Variants in TOP1MT observed in about 807,000 individuals in gnomAD.
TOP1MT encodes the protein DNA topoisomerase I mitochondrial.
TOP1MT carries 80 observed loss-of-function variants against 73.9 expected under a neutral mutation model. The observed-to-expected ratio is 1.08, with a 90% CI of 0.90 to 1.30. The LOEUF (loss-of-function observed/expected upper bound fraction) is 1.30, where lower values mean the gene tolerates loss of function less well. Ranked by LOEUF, TOP1MT falls within the 50% of genes most tolerant of loss-of-function variation. TOP1MT has a pLI of 0.00. For missense variants in TOP1MT, 815 were observed against 808.0 expected (o/e 1.01, Z -0.10); for synonymous variants, 338 against 326.4 (o/e 1.04, Z -0.38).
upstream of TOP1MT, among the ~76,000 whole-genome samples, chr8:143,337,701 A>C (rs1355219385): frequency 6.6e-6 from 1 of 152,170 alleles, no homozygotes; most frequent in Non-Finnish European, 1.5e-5. Context: ...AAGGGAGGAG[A>C]CCACCTCTCA....
Position 143,334,865 on chromosome 8 carries a change from C to T in TOP1MT, c.-4G>A, listed in dbSNP as rs1261655635. 2.7e-6 allele frequency: 4 copies of T among 1,480,080 alleles called. No homozygotes were observed. The highest frequency in any genetic ancestry group is 3.6e-6 in the Non-Finnish European group (4 of 1,125,936). The allele number at this position is 1,480,080 out of a possible 1,614,324, so 91.7% of individuals were successfully genotyped here. On this transcript the variant is annotated 5_prime_UTR_variant, in exon 1 of 14. Transcript: ENST00000329245. ...GCAGCAGCCGCACCACGCGCATCTG[C>T]CAGCCTCCGGGAAAGAGCGACAAGC...
chr8:143,324,708 A>G (rs560683135), intron 5 of TOP1MT, 79 bp from the exon 6 acceptor site: 2 of 1,540,600 alleles, frequency 1.3e-6, no homozygotes, highest in Admixed American at 1.9e-5. Flanking sequence ...GCTCTGGTCA[A>G]CCGTCCCACG....
chr8:143,339,008 A>C (rs1430605192), upstream of TOP1MT, among the ~76,000 whole-genome samples: 1 of 152,190 alleles, frequency 6.6e-6, no homozygotes, highest in Non-Finnish European at 1.5e-5. Context: ...GGCTTAGAAA[A>C]TTTAAAGAAT....
In TOP1MT at chr8:143,334,804, G is replaced by A. The variant is rs761890632; in HGVS notation, c.58C>T (p.Pro20Ser). The change falls in exon 1 of 14, where the codon CCC becomes TCC. Residue 20 changes from proline (P) to serine (S), a missense_variant. Pro to Ser is a moderately conservative substitution (Grantham distance 74, BLOSUM62 -1). Transcript: ENST00000329245. ...RAALTLLGEVPRRPASRGVPG... is the reference protein window; with the variant it reads ...RAALTLLGEVSRRPASRGVPG... ...ACACCCCGGGAGGCCGGGCGGCGGG[G>A]GACCTCCCCGAGCAGCGTCAGAGCC... The A allele has an allele frequency of 1.3e-6, 2 of 1,574,204 alleles. No individual in the cohort carries two copies. Among genetic ancestry groups the A allele is most frequent in the African/African-American group, 3.0e-5 (2 of 66,802 alleles).
chr8:143,323,853 A>C, intron 7 of TOP1MT, 146 bp downstream of exon 7: 3 of 828,728 alleles, frequency 3.6e-6, no homozygotes, highest in Non-Finnish European at 3.8e-6. Flanking sequence ...ACACCCACAC[A>C]CGTGTGCACA....
At chr8:143,322,479 GGCACGCCACAC>G (rs1168250938) in intron 7 of TOP1MT, among the ~76,000 whole-genome samples, 4 of 44,900 alleles carry the variant, frequency 8.9e-5, no homozygotes, top group African/African-American at 3.7e-4. Flanking sequence ...ACGCCACACA[GGCACGCCACAC>G]GCACGCCACA....
chr8:143,315,121 G>A (rs1270961367), intron 12 of TOP1MT, among the ~76,000 whole-genome samples: 1 of 151,934 alleles, frequency 6.6e-6, no homozygotes, highest in African/African-American at 2.4e-5. Flanking sequence ...TTTCCCCAGG[G>A]GAGTTTAGAG....
rs747983627 is a variant in TOP1MT at position 143,309,724 on chromosome 8, A to C, written c.1704-181T>G. ...ACGCATGCCGCCACCCTGGAGCATC[A>C]GCGAGGTGTCAAAGACAACCTGCTG... On this transcript the variant is annotated intron_variant, in intron 13 of 13. Transcript: ENST00000329245. 5 of 1,527,624 alleles carry C rather than the reference A, an allele frequency of 3.3e-6. No individual in the cohort carries two copies. In the Admixed American group the frequency reaches 5.9e-5, roughly 18 times the overall value. The allele number at this position is 1,527,624 out of a possible 1,614,324, so 94.6% of individuals were successfully genotyped here.
intron 1 of TOP1MT, chr8:143,355,527 A>C (rs1204448449): frequency 6.6e-6 from 1 of 152,300 alleles, no homozygotes; most frequent in Non-Finnish European, 1.5e-5. Flanking sequence ...TGAGGACTGC[A>C]GGCCTAATGC....
intron 1 of TOP1MT, among the ~76,000 whole-genome samples, chr8:143,351,521 G>C (rs111868328): frequency 2.0e-3 from 302 of 151,770 alleles, no homozygotes; most frequent in African/African-American, 7.0e-3. Flanking sequence ...CGGAGCTTGT[G>C]GTGAGCCAAG....
chr8:143,310,034 C>T, intron 13 of TOP1MT, 34 bp downstream of exon 13: 1 of 1,606,026 alleles, frequency 6.2e-7, no homozygotes, highest in Non-Finnish European at 8.5e-7. Flanking sequence ...CCCCATAGGC[C>T]ACAGGTGGGA....
chr8:143,322,408 C>T (rs1436804448), intron 7 of TOP1MT, among the ~76,000 whole-genome samples: 2 of 133,310 alleles, frequency 1.5e-5, no homozygotes, highest in African/African-American at 3.1e-5. Context: ...ATGCTCACCA[C>T]ACACGCACGC....
Position 143,334,867 on chromosome 8 carries a change from A to G in TOP1MT, c.-6T>C. 2.1e-6 allele frequency: 3 copies of G among 1,455,546 alleles called. No individual in the cohort carries two copies. Among genetic ancestry groups the G allele is most frequent in the Non-Finnish European group, 2.7e-6 (3 of 1,124,238 alleles). The allele number at this position is 1,455,546 out of a possible 1,614,324, so 90.2% of individuals were successfully genotyped here. A position where few individuals can be genotyped will look rare whatever the true frequency, so the allele number is the denominator to read the frequency against. The stretch of plus-strand genomic sequence containing the variant: ...AGCAGCCGCACCACGCGCATCTGCC[A>G]GCCTCCGGGAAAGAGCGACAAGCTG... On this transcript the variant is annotated 5_prime_UTR_variant, in exon 1 of 14. Coordinates refer to ENST00000329245, the MANE Select transcript of TOP1MT (RefSeq NM_052963.3).
intron 7 of TOP1MT, among the ~76,000 whole-genome samples, chr8:143,321,945 CCA>C (rs746430390): frequency 0.016 from 1,342 of 84,726 alleles, 10 homozygotes; most frequent in African/African-American, 0.038. Flanking sequence ...CACACGCACG[CCA>C]CACACGCACG....
chr8:143,326,245 C>A lies in TOP1MT; in HGVS notation c.460G>T (p.Val154Phe). 3.1e-6 allele frequency: 5 copies of A among 1,613,990 alleles called. No individual in the cohort carries two copies. The highest frequency in any genetic ancestry group is 4.2e-6 in the Non-Finnish European group (5 of 1,180,030). ...YFVDKAAARK[V>F]LSREEKQKLK... ...ACCTGCTTCTCCTCCCTGCTCAGGA[C>A]TTTCCGGGCTGCGGCCTTGTCCACA... The change falls in exon 4 of 14, where the codon GTC becomes TTC. Residue 154 changes from valine to phenylalanine, a missense_variant. Val to Phe is a conservative substitution (Grantham distance 50). Transcript: ENST00000329245.
chr8:143,316,932 C>A (rs1263621245), intron 10 of TOP1MT, among the ~76,000 whole-genome samples: 1 of 152,230 alleles, frequency 6.6e-6, no homozygotes, highest in Non-Finnish European at 1.5e-5. Flanking sequence ...TCTCCTGGGG[C>A]TCTCACCTGG....
intron 7 of TOP1MT, among the ~76,000 whole-genome samples, chr8:143,322,472 C>CCA (rs1816474571): frequency 8.8e-6 from 1 of 113,202 alleles, no homozygotes; most frequent in African/African-American, 3.5e-5. Context: ...CACAGGCACG[C>CCA]CACACAGGCA....
chr8:143,347,217 C>T (rs537395668), upstream of TOP1MT, among the ~76,000 whole-genome samples: 225 of 152,116 alleles, frequency 1.5e-3, no homozygotes, highest in African/African-American at 5.3e-3. Flanking sequence ...TGCAGTGGCG[C>T]GATCTCTGCT....
chr8:143,322,587 CCA>C (rs1425387868), intron 7 of TOP1MT, among the ~76,000 whole-genome samples: 5 of 127,160 alleles, frequency 3.9e-5, no homozygotes, highest in East Asian at 2.5e-4. Flanking sequence ...CACATGCACG[CCA>C]CACACATGCA....
Sources: gnomAD v4.1 joint callset for allele counts (sites outside exome capture counted in the v4.1 genomes callset) on GRCh38, gnomAD v4.1.1 for gene constraint, MANE v1.5 for transcripts, NCBI Gene and HGNC (gene_info 2026-07-23, HGNC 2026-07-21) for gene names.